The following RBL1 variants were observed in gnomAD, a reference collection of about 807,000 sequenced individuals.
The protein encoded by RBL1 is RB transcriptional corepressor like 1.
RBL1 carries 82 observed loss-of-function variants against 123.0 expected under a neutral mutation model. That is an observed-to-expected ratio of 0.67 (90% CI 0.56 to 0.80). RBL1 has a LOEUF of 0.80. Ranked by LOEUF, RBL1 falls within the 30% of genes least tolerant of loss-of-function variation. The pLI is 0.00. For missense variants in RBL1, 1,171 were observed against 1,299.6 expected (o/e 0.90, Z 1.52); for synonymous variants, 405 against 441.3 (o/e 0.92, Z 1.03).
chr20:37,007,654 G>T, intron 19 of RBL1, 95 bp from the exon 20 acceptor site: 1 of 1,269,532 alleles, frequency 7.9e-7, no homozygotes, highest in Non-Finnish European at 1.1e-6. Context: ...GTGCAGTGGT[G>T]CAATCTTGGC....
chr20:37,050,718 C>A (rs1222152598), intron 11 of RBL1, among the ~76,000 whole-genome samples: 1 of 150,894 alleles, frequency 6.6e-6, no homozygotes, highest in Non-Finnish European at 1.5e-5. Context: ...ATAAAACGAC[C>A]AAGAACTGCA....
chr20:37,017,620 TTGTGTGTGTG>T (rs147347259), intron 19 of RBL1, among the ~76,000 whole-genome samples: 10 of 139,806 alleles, frequency 7.2e-5, no homozygotes, highest in South Asian at 6.9e-4. Context: ...GGACATTTTC[TTGTGTGTGTG>T]TGTGTGTGTG....
chr20:37,018,495 G>A, intron 18 of RBL1, 126 bp from the exon 19 acceptor site: 5 of 1,297,916 alleles, frequency 3.9e-6, no homozygotes, highest in South Asian at 3.8e-5. Context: ...GATACTCAAG[G>A]GTAAAATGTT....
chr20:37,082,356 C>T (rs1052378211), intron 2 of RBL1, among the ~76,000 whole-genome samples: 4 of 152,102 alleles, frequency 2.6e-5, no homozygotes, highest in African/African-American at 9.7e-5. Context: ...TAAGAAAGTT[C>T]GGGAAATGGT....
At chr20:37,091,265 G>A (rs1419724227) in intron 1 of RBL1, among the ~76,000 whole-genome samples, 1 of 152,110 alleles carries the variant, frequency 6.6e-6, no homozygotes, top group Non-Finnish European at 1.5e-5. Context: ...GGCTGAGGAA[G>A]GAGAATCACT....
intron 9 of RBL1, among the ~76,000 whole-genome samples, chr20:37,057,000 T>TCTAC (rs1225076819): frequency 8.0e-6 from 1 of 124,830 alleles, no homozygotes; most frequent in East Asian, 2.3e-4. Context: ...TTTCTATCTA[T>TCTAC]CTATCTACCT....
intron 2 of RBL1, among the ~76,000 whole-genome samples, chr20:37,073,705 G>GAAAAAAAAAAAA (rs796752326): frequency 8.7e-5 from 9 of 103,148 alleles, no homozygotes; most frequent in African/African-American, 2.7e-4. Context: ...CTCAAAAAAA[G>GAAAAAAAAAAAA]AAAAAAAAAA....
At position 37,017,805 on chromosome 20, in the gene RBL1, A is replaced by AT. The variant is rs560103409; in HGVS notation, c.2722+473dup. On this transcript the variant is annotated intron_variant, in intron 19 of 21. Coordinates refer to ENST00000373664, the MANE Select transcript of RBL1 (RefSeq NM_002895.5). ...ACCACCACACCTAGCTAATTTTTGT[A>AT]TTTTTTTTTTAAGTAGAGATGGGGT... 3.4e-4 allele frequency among the ~76,000 whole-genome samples: 51 copies of AT among 149,052 alleles called. 1 individual carries two copies. In the South Asian group the frequency reaches 6.8e-3, roughly 20 times the overall value.
At chr20:37,073,527 A>AT (rs1426728695) in intron 2 of RBL1, among the ~76,000 whole-genome samples, 1 of 151,004 alleles carries the variant, frequency 6.6e-6, no homozygotes, top group African/African-American at 2.4e-5. Flanking sequence ...GTGGGACCTC[A>AT]TGTCTACAAA....
At chr20:37,016,900 G>GA (rs979029626) in intron 19 of RBL1, among the ~76,000 whole-genome samples, 51 of 114,526 alleles carry the variant, frequency 4.5e-4, no homozygotes, top group African/African-American at 1.1e-3. Context: ...GAAAAGAAAA[G>GA]AAAAAATAAA....
At chr20:37,033,801 G>A (rs1347730562) in intron 15 of RBL1, among the ~76,000 whole-genome samples, 1 of 151,544 alleles carries the variant, frequency 6.6e-6, no homozygotes, top group African/African-American at 2.4e-5. Flanking sequence ...ATTTTTAGTA[G>A]AGACGGGGTT....
At position 37,003,683 on chromosome 20, in the gene RBL1, T is replaced by G; in HGVS notation, c.3036+19A>C. On this transcript the variant is annotated intron_variant, in intron 21 of 21. Coordinates refer to ENST00000373664, the MANE Select transcript of RBL1 (RefSeq NM_002895.5). Reference sequence around the variant, plus strand: ...CTGACTGTTAATCTGAAATCCAACTTTTAGCCTATTCACCTTACCTTAGAA... The same window carrying G: ...CTGACTGTTAATCTGAAATCCAACTGTTAGCCTATTCACCTTACCTTAGAA... The G allele has an allele frequency of 6.4e-7, 1 of 1,573,282 alleles. No individual in the cohort carries two copies. The highest frequency in any genetic ancestry group is 8.6e-7 in the Non-Finnish European group (1 of 1,160,126).
intron 21 of RBL1, among the ~76,000 whole-genome samples, chr20:37,001,728 G>A (rs2063983766): frequency 7.2e-6 from 1 of 138,372 alleles, no homozygotes; most frequent in Admixed American, 7.5e-5. Flanking sequence ...ATCCCCCTCT[G>A]CGAGAAACAC....
chr20:37,032,556 T>C, intron 16 of RBL1, 109 bp downstream of exon 16: 1 of 1,500,454 alleles, frequency 6.7e-7, no homozygotes, highest in Non-Finnish European at 8.9e-7. Context: ...AAATGGTAAA[T>C]TTTGTGTTAT....
At chr20:37,077,926 T>G (rs910529440) in intron 2 of RBL1, among the ~76,000 whole-genome samples, 7 of 152,170 alleles carry the variant, frequency 4.6e-5, no homozygotes. Context: ...TTCGGAGCAA[T>G]TTTAAACATC....
chr20:37,004,455 GT>G (rs771687712), intron 20 of RBL1, among the ~76,000 whole-genome samples: 58 of 150,002 alleles, frequency 3.9e-4, no homozygotes, highest in Non-Finnish European at 7.7e-4. Context: ...GCTCACACCT[GT>G]AATGCCAGCA....
chr20:37,024,694 G>A (rs1039953892), intron 16 of RBL1, among the ~76,000 whole-genome samples: 1 of 152,156 alleles, frequency 6.6e-6, no homozygotes, highest in African/African-American at 2.4e-5. Context: ...AAGGATGTTA[G>A]ATTCTAAAAC....
chr20:37,056,351 CTTTTTTTTTTT>C (rs199931898), intron 9 of RBL1, 93 bp from the exon 10 acceptor site: 28 of 972,114 alleles, frequency 2.9e-5, no homozygotes, highest in South Asian at 4.2e-5. Context: ...CCTTCTTCTT[CTTTTTTTTTTT>C]TTTTTTTTTT....
intron 6 of RBL1, 28 bp downstream of exon 6, chr20:37,066,696 C>G: frequency 6.3e-7 from 1 of 1,583,286 alleles, no homozygotes; most frequent in Non-Finnish European, 8.6e-7. Context: ...CTGTAAACAT[C>G]TCAGTCATCT....
Sources: allele counts gnomAD v4.1 joint callset (sites outside exome capture counted in the v4.1 genomes callset), GRCh38; gene constraint gnomAD v4.1.1; transcripts MANE v1.5; gene names NCBI Gene and HGNC (gene_info 2026-07-23, HGNC 2026-07-21).